Variants in DCUN1D5 observed in about 807,000 individuals in gnomAD.
The protein encoded by DCUN1D5 is defective in cullin neddylation 1 domain containing 5, also known as DCN1-like protein 5.
DCUN1D5 carries 10 observed loss-of-function variants against 38.3 expected under a neutral mutation model. The observed-to-expected ratio is 0.26, with a 90% CI of 0.16 to 0.44. The LOEUF is 0.44. DCUN1D5 is among the 20% of genes least tolerant of loss of function. The probability of loss-of-function intolerance (pLI) is 1.00; values close to 1 mark genes in which losing one functional copy is unlikely to be tolerated. For synonymous variants in DCUN1D5, 93 were observed against 90.9 expected (o/e 1.02, Z -0.13); for missense variants, 148 against 275.3 (o/e 0.54, Z 3.27).
rs1309574556 is a variant in DCUN1D5, at chr11:103,054,762, A to T, written c.*7597T>A. On this transcript the variant is annotated 3_prime_UTR_variant, in exon 8 of 8. Coordinates refer to ENST00000260247, the MANE Select transcript of DCUN1D5 (RefSeq NM_032299.4). The stretch of plus-strand genomic sequence containing the variant: ...TTAAGCTACACTTGAGTTTCCTTGG[A>T]AACTCCTTGGAATATAAATATACAT... The T allele has an allele frequency of 6.6e-6, 1 of 152,054 alleles. No homozygotes were observed. The highest frequency in any genetic ancestry group is 1.5e-5 in the Non-Finnish European group (1 of 67,994). The allele number at this position is 152,054 out of a possible 1,614,324, so 9.4% of individuals were successfully genotyped here. A position where few individuals can be genotyped will look rare whatever the true frequency, so the allele number is the denominator to read the frequency against.
Position 103,063,634 on chromosome 11 carries a change from T to C in DCUN1D5, c.658+641A>G, listed in dbSNP as rs1403686149. 2.0e-5 allele frequency among the ~76,000 whole-genome samples: 3 copies of C among 152,100 alleles called. No homozygotes were observed. Among genetic ancestry groups the C allele is most frequent in the Non-Finnish European group, 4.4e-5 (3 of 67,982 alleles). ...TGAAAACACATGCAACCAACCAAAA[T>C]GGTGGTTGGAACTGAAAAAAATTTA... On this transcript the variant is annotated intron_variant, in intron 7 of 7. Coordinates refer to ENST00000260247, the MANE Select transcript of DCUN1D5 (RefSeq NM_032299.4). This position sits in a 1 kb window ranked among gnomAD's most constrained non-coding sequence, Gnocchi z 4.6.
rs935933032 is a variant in DCUN1D5, at chr11:103,062,125, A to ATGTT, written c.*230_*233dup. ...CTGAATCTTTATTGTTCTGAAATAA[A>ATGTT]TGTTATAAACATAACTCAAAACAAA... On this transcript the variant is annotated 3_prime_UTR_variant, in exon 8 of 8. Transcript: ENST00000260247. This position sits in a 1 kb window ranked among gnomAD's most constrained non-coding sequence, Gnocchi z 4.6. 2.3e-6 allele frequency: 1 copy of ATGTT among 429,020 alleles called. No individual in the cohort carries two copies. Among genetic ancestry groups the ATGTT allele is most frequent in the South Asian group, 5.7e-5 (1 of 17,430 alleles). 26.6% of individuals were successfully genotyped at this position (429,020 alleles called of 1,614,324 possible).
chr11:103,086,589 A>T lies in DCUN1D5; in HGVS notation c.178+2638T>A, dbSNP rs572937680. On this transcript the variant is annotated intron_variant, in intron 2 of 7. Transcript: ENST00000260247. This position sits in a 1 kb window ranked among gnomAD's most constrained non-coding sequence, Gnocchi z 4.1. ...GAACCTCACCATATTTATTATCCTTATAACTCCCCACAATCTGTACTTATC... is the reference window on the plus strand; with the variant it reads ...GAACCTCACCATATTTATTATCCTTTTAACTCCCCACAATCTGTACTTATC... Among the ~76,000 whole-genome samples the T allele has an allele frequency of 1.3e-5, 2 of 152,064 alleles. No individual in the cohort carries two copies. Among genetic ancestry groups the T allele is most frequent in the Admixed American group, 1.3e-4 (2 of 15,274 alleles).
Position 103,058,917 on chromosome 11 carries a change from T to C in DCUN1D5, c.*3442A>G, listed in dbSNP as rs1861943687. 6.6e-6 allele frequency among the ~76,000 whole-genome samples: 1 copy of C among 152,020 alleles called. No individual in the cohort carries two copies. Among genetic ancestry groups the C allele is most frequent in the Non-Finnish European group, 1.5e-5 (1 of 67,986 alleles). ...TTTTTGGGGGGGGTTTTAATTTTAT[T>C]TTTTATTTTTGGCCTTTTGCTTTAA... On this transcript the variant is annotated 3_prime_UTR_variant, in exon 8 of 8. Transcript: ENST00000260247.
At position 103,054,440 on chromosome 11, in the gene DCUN1D5, TTG is replaced by T. The variant is rs1319872359; in HGVS notation, c.*7917_*7918del. 1 of 152,088 alleles carries T rather than the reference TTG, an allele frequency of 6.6e-6. No homozygotes were observed. Among genetic ancestry groups the T allele is most frequent in the Non-Finnish European group, 1.5e-5 (1 of 67,998 alleles). 9.4% of individuals were successfully genotyped at this position (152,088 alleles called of 1,614,324 possible). A position where few individuals can be genotyped will look rare whatever the true frequency, so the allele number is the denominator to read the frequency against. ...ACATGTTCAAACACTGTAAACTGAA[TTG>T]TGTGATGGGCACTTGGAGGCACCAA... On this transcript the variant is annotated 3_prime_UTR_variant, in exon 8 of 8. Coordinates refer to ENST00000260247, the MANE Select transcript of DCUN1D5 (RefSeq NM_032299.4).
chr11:103,064,452 T>C lies in DCUN1D5; in HGVS notation c.556-75A>G, dbSNP rs1862085847. 2.6e-6 allele frequency: 3 copies of C among 1,169,110 alleles called. No individual in the cohort carries two copies. The African/African-American group carries it at 4.7e-5, about 18-fold the overall frequency. The allele number at this position is 1,169,110 out of a possible 1,614,324, so 72.4% of individuals were successfully genotyped here. ...TTTACTCAATTTAGTAAACTAAGTT[T>C]TAACTGTTTTTGTGATTTGGTTTTT... On this transcript the variant is annotated intron_variant, in intron 6 of 7. Coordinates refer to ENST00000260247, the MANE Select transcript of DCUN1D5 (RefSeq NM_032299.4). The surrounding 1 kb of genome is among the most constrained non-coding windows in gnomAD (Gnocchi z 4.5).
At chr11:103,089,995 G>C (rs1056629085) in intron 1 of DCUN1D5, among the ~76,000 whole-genome samples, 2 of 151,892 alleles carry the variant, frequency 1.3e-5, no homozygotes, top group African/African-American at 4.8e-5. Flanking sequence ...AATTTGGTAA[G>C]TTCAAAATGG....
Position 103,055,692 on chromosome 11 carries a change from C to CTTCA in DCUN1D5, c.*6663_*6666dup, listed in dbSNP as rs1861857070. On this transcript the variant is annotated 3_prime_UTR_variant, in exon 8 of 8. Transcript: ENST00000260247. ...GCCTTGAATTTCATCGATCATATGTCTTCAATTAAGTTCTATCCTCTGGCT... is the reference window on the plus strand; with the variant it reads ...GCCTTGAATTTCATCGATCATATGTCTTCATTCAATTAAGTTCTATCCTCTGGCT... The CTTCA allele has an allele frequency of 6.6e-6, 1 of 152,106 alleles. No individual in the cohort carries two copies. The allele number at this position is 152,106 out of a possible 1,614,324, so 9.4% of individuals were successfully genotyped here. A position where few individuals can be genotyped will look rare whatever the true frequency, so the allele number is the denominator to read the frequency against.
rs557211975 is a variant in DCUN1D5, at chr11:103,056,478, CA to C, written c.*5880del. Among the ~76,000 whole-genome samples the C allele has an allele frequency of 1.6e-4, 25 of 152,310 alleles. No homozygotes were observed. In the South Asian group the frequency reaches 5.2e-3, roughly 32 times the overall value. ...CTCCTCAGGCCTCTGCTCAATGTCA[CA>C]TATCAGTGTACATGCTACTTAATAG... On this transcript the variant is annotated 3_prime_UTR_variant, in exon 8 of 8. Coordinates refer to ENST00000260247, the MANE Select transcript of DCUN1D5 (RefSeq NM_032299.4). This position sits in a 1 kb window ranked among gnomAD's most constrained non-coding sequence, Gnocchi z 4.9.
rs1229807866 is a variant in DCUN1D5, at chr11:103,083,815, ATAATT to A, written c.179-494_179-490del. Among the ~76,000 whole-genome samples, 7 of 152,190 alleles carry A rather than the reference ATAATT, an allele frequency of 4.6e-5. No homozygotes were observed. Among genetic ancestry groups the A allele is most frequent in the Non-Finnish European group, 1.0e-4 (7 of 67,996 alleles). ...TTACCCTTTTGAAATACACTCAAAT[ATAATT>A]TAATTATTGAAAAAGACAAAGGTAT... On this transcript the variant is annotated intron_variant, in intron 2 of 7. Transcript: ENST00000260247. This position sits in a 1 kb window ranked among gnomAD's most constrained non-coding sequence, Gnocchi z 4.4.
Position 103,064,170 on chromosome 11 carries a change from T to A in DCUN1D5, c.658+105A>T. On this transcript the variant is annotated intron_variant, in intron 7 of 7. Transcript: ENST00000260247. The surrounding 1 kb of genome is among the most constrained non-coding windows in gnomAD (Gnocchi z 4.5). ...TCCCTCACACAATTAAATAAGTTAC[T>A]ATTACAAAGTTTAAAACCTCTATGC... 2.7e-6 allele frequency: 2 copies of A among 753,348 alleles called. No homozygotes were observed. The highest frequency in any genetic ancestry group is 5.7e-5 in the East Asian group (2 of 35,336). The allele number at this position is 753,348 out of a possible 1,614,324, so 46.7% of individuals were successfully genotyped here. A position where few individuals can be genotyped will look rare whatever the true frequency, so the allele number is the denominator to read the frequency against.
At chr11:103,085,492 G>C (rs1006649411) in intron 2 of DCUN1D5, among the ~76,000 whole-genome samples, 10 of 152,004 alleles carry the variant, frequency 6.6e-5, no homozygotes, top group African/African-American at 1.9e-4. Context: ...GAAACTGGAG[G>C]ATTACTTGGT....
In DCUN1D5 at chr11:103,063,753, GGACA is replaced by G. The variant is rs1862070489; in HGVS notation, c.658+518_658+521del. The stretch of plus-strand genomic sequence containing the variant: ...TTCTAGCCTTTCCATGGAGGAGTAT[GGACA>G]GATATTTTAACTTGACGGATTGAAA... On this transcript the variant is annotated intron_variant, in intron 7 of 7. Coordinates refer to ENST00000260247, the MANE Select transcript of DCUN1D5 (RefSeq NM_032299.4). This position sits in a 1 kb window ranked among gnomAD's most constrained non-coding sequence, Gnocchi z 4.6. Among the ~76,000 whole-genome samples, 1 of 151,990 alleles carries G rather than the reference GGACA, an allele frequency of 6.6e-6. No homozygotes were observed. The highest frequency in any genetic ancestry group is 2.1e-4 in the South Asian group (1 of 4,824).
At chr11:103,090,670 T>C (rs978439496) in intron 1 of DCUN1D5, among the ~76,000 whole-genome samples, 1 of 152,186 alleles carries the variant, frequency 6.6e-6, no homozygotes, top group African/African-American at 2.4e-5. Context: ...CCCAGCACTT[T>C]GGGAGGCCGA....
chr11:103,083,588 A>G lies in DCUN1D5; in HGVS notation c.179-262T>C, dbSNP rs1018641578. ...GAAATACTCCATTAGTATCAATCAC[A>G]AGTTAGTACAAAAACTCAAACCAAT... On this transcript the variant is annotated intron_variant, in intron 2 of 7. Transcript: ENST00000260247. This position sits in a 1 kb window ranked among gnomAD's most constrained non-coding sequence, Gnocchi z 4.4. Among the ~76,000 whole-genome samples the G allele has an allele frequency of 1.3e-5, 2 of 152,046 alleles. No individual in the cohort carries two copies. The highest frequency in any genetic ancestry group is 4.8e-5 in the African/African-American group (2 of 41,432).
rs1350013492 is a variant in DCUN1D5 at position 103,091,574 on chromosome 11, T to A, written c.86+213A>T. 1 of 742,046 alleles carries A rather than the reference T, an allele frequency of 1.3e-6. No homozygotes were observed. The highest frequency in any genetic ancestry group is 2.9e-5 in the East Asian group (1 of 34,970). 46.0% of individuals were successfully genotyped at this position (742,046 alleles called of 1,614,324 possible). On this transcript the variant is annotated intron_variant, in intron 1 of 7. Coordinates refer to ENST00000260247, the MANE Select transcript of DCUN1D5 (RefSeq NM_032299.4). This position sits in a 1 kb window ranked among gnomAD's most constrained non-coding sequence, Gnocchi z 4.3. ...AGACTCTTAACGTGGGCGGCTCTTC[T>A]AGTCTCTCCATAAACGCCAGCGTGC...
intron 4 of DCUN1D5, among the ~76,000 whole-genome samples, chr11:103,068,595 A>G (rs1469222958): frequency 6.6e-6 from 1 of 152,180 alleles, no homozygotes; most frequent in African/African-American, 2.4e-5. Context: ...GGAAAACCAA[A>G]TATCACATGT....
chr11:103,082,570 G>T (rs1700633363), intron 4 of DCUN1D5, among the ~76,000 whole-genome samples, 178 bp downstream of exon 4: 1 of 151,534 alleles, frequency 6.6e-6, no homozygotes, highest in African/African-American at 2.4e-5. Context: ...TAAAACATGG[G>T]GTACCTATAT....
chr11:103,063,498 T>TA lies in DCUN1D5; in HGVS notation c.658+776dup, dbSNP rs558976889. 6.6e-6 allele frequency among the ~76,000 whole-genome samples: 1 copy of TA among 152,078 alleles called. No homozygotes were observed. Among genetic ancestry groups the TA allele is most frequent in the Admixed American group, 6.5e-5 (1 of 15,268 alleles). ...AGGACAAAATATATGTGGGAAGAAA[T>TA]AAAGTTATCCCTTCTTCTGTTATTT... On this transcript the variant is annotated intron_variant, in intron 7 of 7. Transcript: ENST00000260247. The surrounding 1 kb of genome is among the most constrained non-coding windows in gnomAD (Gnocchi z 4.6).
Sources: gnomAD v4.1 joint callset for allele counts (sites outside exome capture counted in the v4.1 genomes callset) on GRCh38, gnomAD v4.1.1 for gene constraint, Gnocchi (gnomAD v3.1) non-coding constraint, MANE v1.5 for transcripts, NCBI Gene and HGNC (gene_info 2026-07-23, HGNC 2026-07-21) for gene names.